The following MTRR variants were observed in gnomAD, a reference collection of about 807,000 sequenced individuals.
MTRR encodes the protein 5-methyltetrahydrofolate-homocysteine methyltransferase reductase.
A neutral mutation model predicts 79.2 loss-of-function variants in MTRR; 63 were observed. That is an observed-to-expected ratio of 0.80 (90% confidence interval 0.65 to 0.98). The LOEUF (loss-of-function observed/expected upper bound fraction) is 0.98, where lower values mean the gene tolerates loss of function less well. Ranked by LOEUF, MTRR falls within the 50% of genes least tolerant of loss-of-function variation. The pLI is 0.00. For missense variants in MTRR, 895 were observed against 839.6 expected (o/e 1.07, Z -0.82); for synonymous variants, 355 against 313.3 (o/e 1.13, Z -1.41).
At chr5:7,861,911 G>C (rs1746575267) in intron 1 of MTRR, 1 of 437,994 alleles carries the variant, frequency 2.3e-6, no homozygotes, top group Non-Finnish European at 3.6e-6. Flanking sequence ...TCTGGGGTAT[G>C]ACAAGAACCA....
Position 7,889,408 on chromosome 5 carries a change from G to C in MTRR, c.1327+133G>C. The C allele has an allele frequency of 6.6e-6, 6 of 914,190 alleles. No homozygotes were observed. The South Asian group carries it at 8.8e-5, about 13-fold the overall frequency. The allele number at this position is 914,190 out of a possible 1,614,324, so 56.6% of individuals were successfully genotyped here. A position where few individuals can be genotyped will look rare whatever the true frequency, so the allele number is the denominator to read the frequency against. On this transcript the variant is annotated intron_variant, in intron 9 of 14. Coordinates refer to ENST00000440940, the MANE Select transcript of MTRR (RefSeq NM_002454.3). The stretch of plus-strand genomic sequence containing the variant: ...CTATGCCTAAAGAATATATCTAAAT[G>C]AATGGTGGTGATTGGTAAGTAAACA...
intron 1 of MTRR, among the ~76,000 whole-genome samples, chr5:7,852,481 A>G (rs1389148173): frequency 6.6e-6 from 1 of 152,098 alleles, no homozygotes; most frequent in Non-Finnish European, 1.5e-5. Flanking sequence ...CTCCATGGCC[A>G]GGCAGAACAC....
upstream of MTRR, chr5:7,850,920 C>T: frequency 7.3e-7 from 1 of 1,361,174 alleles, no homozygotes; most frequent in Non-Finnish European, 9.5e-7. Flanking sequence ...GGTCCAGGCG[C>T]CGCGGCGGGA....
At chr5:7,872,692 C>T (rs913982005) in intron 2 of MTRR, among the ~76,000 whole-genome samples, 1 of 152,158 alleles carries the variant, frequency 6.6e-6, no homozygotes, top group African/African-American at 2.4e-5. Context: ...GATTTCAGAG[C>T]TGTTGTGTTT....
intron 5 of MTRR, among the ~76,000 whole-genome samples, chr5:7,880,397 C>T (rs1459870039): frequency 2.0e-5 from 3 of 152,218 alleles, no homozygotes; most frequent in Admixed American, 6.5e-5. Flanking sequence ...TTGACTAAAT[C>T]ATTGTCCGTG....
chr5:7,868,242 C>T (rs1747196896), upstream of MTRR: 6 of 560,750 alleles, frequency 1.1e-5, no homozygotes, highest in Non-Finnish European at 1.8e-5. Flanking sequence ...AACATATAAA[C>T]ACCAGAGGGG....
intron 1 of MTRR, among the ~76,000 whole-genome samples, chr5:7,854,594 G>A (rs544475811): frequency 3.0e-4 from 45 of 152,150 alleles, no homozygotes; most frequent in Middle Eastern, 6.8e-3. Flanking sequence ...ATGCAAAAGC[G>A]GAAACCCCTG....
At chr5:7,895,655 G>A (rs1738375877) in intron 11 of MTRR, 79 bp from the exon 12 acceptor site, 1 of 1,567,988 alleles carries the variant, frequency 6.4e-7, no homozygotes, top group South Asian at 1.1e-5. Flanking sequence ...TTTCTGATTT[G>A]TTTAGCAAAG....
upstream of MTRR, chr5:7,850,924 G>C: frequency 7.4e-7 from 1 of 1,360,238 alleles, no homozygotes; most frequent in Non-Finnish European, 9.5e-7. Context: ...CAGGCGCCGC[G>C]GCGGGATGTA....
intron 10 of MTRR, 26 bp downstream of exon 10, chr5:7,891,440 A>T: frequency 6.3e-7 from 1 of 1,588,338 alleles, no homozygotes; most frequent in Non-Finnish European, 8.6e-7. Flanking sequence ...CACGTAATAT[A>T]TAGCATTGTT....
chr5:7,890,278 A>C, intron 9 of MTRR: 3 of 984,864 alleles, frequency 3.0e-6, no homozygotes, highest in Non-Finnish European at 3.6e-6. Flanking sequence ...TCCACTTAGG[A>C]CCTCCCCAAA....
At chr5:7,872,397 T>TA (rs1561150590) in intron 2 of MTRR, 1 of 319,150 alleles carries the variant, frequency 3.1e-6, no homozygotes, top group African/African-American at 2.2e-5. Context: ...TAGCTCAGCT[T>TA]ATAGCTAATG....
upstream of MTRR, among the ~76,000 whole-genome samples, chr5:7,866,418 C>T (rs1746952602): frequency 6.6e-6 from 1 of 151,948 alleles, no homozygotes; most frequent in Admixed American, 6.6e-5. Context: ...GCTGCAATTT[C>T]TCAGATAAGG....
intron 11 of MTRR, 125 bp from the exon 12 acceptor site, chr5:7,895,609 A>T: frequency 8.0e-7 from 1 of 1,255,682 alleles, no homozygotes; most frequent in Non-Finnish European, 1.2e-6. Context: ...ATCTGATGCC[A>T]CTATTTAGTG....
In MTRR at chr5:7,889,203, G is replaced by A. The variant is rs770826753; in HGVS notation, c.1255G>A (p.Asp419Asn). ...GAADYSRFVR[D>N]ACACLLDLLL... ...AGCCGATTATAGCCGCTTTGTACGA[G>A]ATGCCTGTGCCTGCTTGTTGGATCT... Residue 419 changes from aspartate (D) to asparagine (N), a missense_variant, in exon 9 of 15, where the codon GAT becomes AAT. By Grantham distance (23) the Asp-to-Asn change is conservative (BLOSUM62 1). Coordinates refer to ENST00000440940, the MANE Select transcript of MTRR (RefSeq NM_002454.3). 1.2e-6 allele frequency: 2 copies of A among 1,613,886 alleles called. No individual in the cohort carries two copies. Among genetic ancestry groups the A allele is most frequent in the South Asian group, 2.2e-5 (2 of 91,060 alleles).
intron 6 of MTRR, 27 bp from the exon 7 acceptor site, chr5:7,885,674 T>TG: frequency 3.7e-6 from 6 of 1,604,416 alleles, no homozygotes; most frequent in Non-Finnish European, 5.1e-6. Context: ...AATGTATTTT[T>TG]TTTTTTTCAT....
Position 7,900,173 on chromosome 5 carries a change from G to A in MTRR, c.*115G>A. 1 of 1,215,296 alleles carries A rather than the reference G, an allele frequency of 8.2e-7. No homozygotes were observed. The highest frequency in any genetic ancestry group is 1.2e-6 in the Non-Finnish European group (1 of 860,400). The allele number at this position is 1,215,296 out of a possible 1,614,324, so 75.3% of individuals were successfully genotyped here. On this transcript the variant is annotated 3_prime_UTR_variant, in exon 15 of 15. Transcript: ENST00000440940. ...AGAAAATTTTCTTTCAACATTTCTT[G>A]AAGGACATGGAGTGGAGATTGGATC...
At chr5:7,862,266 CTT>C (rs1330229848) in intron 2 of MTRR, among the ~76,000 whole-genome samples, 1 of 152,176 alleles carries the variant, frequency 6.6e-6, no homozygotes, top group African/African-American at 2.4e-5. Flanking sequence ...CTTGGAGTCT[CTT>C]GTCAGTGCTG....
chr5:7,855,226 A>T (rs1232141434), intron 1 of MTRR, among the ~76,000 whole-genome samples: 2 of 152,184 alleles, frequency 1.3e-5, no homozygotes, highest in Non-Finnish European at 2.9e-5. Flanking sequence ...AATATTTTTG[A>T]GATAGTACAG....
Sources: allele counts gnomAD v4.1 joint callset (sites outside exome capture counted in the v4.1 genomes callset), GRCh38; gene constraint gnomAD v4.1.1; transcripts MANE v1.5; gene names NCBI Gene and HGNC (gene_info 2026-07-23, HGNC 2026-07-21).